GRXCR1: variants seen among roughly 807,000 people sequenced by gnomAD.
The protein encoded by GRXCR1 is glutaredoxin domain-containing cysteine-rich protein 1.
GRXCR1 carries 27 observed loss-of-function variants against 27.3 expected under a neutral mutation model. The observed-to-expected ratio is 0.99, with a 90% confidence interval of 0.73 to 1.37. GRXCR1 has a LOEUF of 1.37. GRXCR1 is among the 40% of genes most tolerant of loss of function. The pLI, the probability that GRXCR1 is intolerant of heterozygous loss-of-function variation, is 0.00. For synonymous variants in GRXCR1, 122 were observed against 131.1 expected, an observed-to-expected ratio of 0.93 and a Z score of 0.47; for missense variants, 379 against 354.4, an observed-to-expected ratio of 1.07 and a Z score of -0.56.
At chr4:42,964,274 A>T (rs1436842092) in intron 2 of GRXCR1, among the ~76,000 whole-genome samples, 1 of 152,054 alleles carries the variant, frequency 6.6e-6, no homozygotes, top group Non-Finnish European at 1.5e-5. Flanking sequence ...ACTCTACTGC[A>T]CTCACAGCTT....
intron 1 of GRXCR1, among the ~76,000 whole-genome samples, chr4:42,942,809 G>A (rs1442210686): frequency 6.6e-6 from 1 of 152,018 alleles, no homozygotes; most frequent in African/African-American, 2.4e-5. Context: ...TCCTTATACT[G>A]TTTTATTTCA....
chr4:42,931,616 A>G (rs1414116264), intron 1 of GRXCR1, among the ~76,000 whole-genome samples: 1 of 151,754 alleles, frequency 6.6e-6, no homozygotes, highest in Non-Finnish European at 1.5e-5. Context: ...GCAAAAAATT[A>G]TATATATTTA....
At chr4:42,920,750 T>G (rs1746990227) in intron 1 of GRXCR1, among the ~76,000 whole-genome samples, 1 of 152,136 alleles carries the variant, frequency 6.6e-6, no homozygotes, top group South Asian at 2.1e-4. Flanking sequence ...GAATATCAAA[T>G]ATGTACATTT....
At chr4:42,904,078 C>T (rs534376804) in intron 1 of GRXCR1, among the ~76,000 whole-genome samples, 1 of 152,268 alleles carries the variant, frequency 6.6e-6, no homozygotes, top group South Asian at 2.1e-4. Context: ...TACTAGACAT[C>T]ATTCAGGATT....
chr4:42,903,341 G>C (rs1216184194), intron 1 of GRXCR1, among the ~76,000 whole-genome samples: 1 of 120,638 alleles, frequency 8.3e-6, no homozygotes, highest in East Asian at 3.1e-4. Context: ...TTTTTTAGAC[G>C]GAGTCTCTCA....
At chr4:42,906,266 T>C (rs1047524163) in intron 1 of GRXCR1, among the ~76,000 whole-genome samples, 4 of 152,194 alleles carry the variant, frequency 2.6e-5, no homozygotes, top group African/African-American at 9.6e-5. Context: ...TCATCTATTC[T>C]CTGTATAGTA....
intron 2 of GRXCR1, among the ~76,000 whole-genome samples, chr4:42,987,247 T>G (rs1187624193): frequency 2.4e-5 from 2 of 82,388 alleles, no homozygotes; most frequent in Non-Finnish European, 4.7e-5. Context: ...ATATAATATA[T>G]AATATATATA....
intron 1 of GRXCR1, among the ~76,000 whole-genome samples, chr4:42,894,013 C>T (rs1746294209): frequency 6.6e-6 from 1 of 152,054 alleles, no homozygotes; most frequent in Admixed American, 6.6e-5. Flanking sequence ...CCTTGAAATA[C>T]CAGTGTAGCA....
At chr4:42,894,260 T>A (rs1351350010) in intron 1 of GRXCR1, among the ~76,000 whole-genome samples, 1 of 152,102 alleles carries the variant, frequency 6.6e-6, no homozygotes, top group South Asian at 2.1e-4. Context: ...AGATCTAGAT[T>A]TTGTATAATA....
Position 42,893,329 on chromosome 4 carries a change from G to T in GRXCR1, c.63G>T (p.Ala21=). 1 of 1,613,784 alleles carries T rather than the reference G, an allele frequency of 6.2e-7. No homozygotes were observed. Among genetic ancestry groups the T allele is most frequent in the Non-Finnish European group, 8.5e-7 (1 of 1,179,790 alleles). Residue 21 remains alanine, a synonymous_variant, in exon 1 of 4, where the codon GCG becomes GCT. Coordinates refer to ENST00000399770, the MANE Select transcript of GRXCR1 (RefSeq NM_001080476.3). ...DRPRKVRFRI[A]SSHSGRVLKE... ...CACGGAAAGTCCGGTTTCGGATCGC[G>T]TCCTCTCACAGTGGGCGAGTTCTGA... is the stretch of plus-strand genomic sequence containing the variant.
rs114064477 is a variant in GRXCR1, at chr4:42,936,677, T to A, written c.385-26215T>A. Among the ~76,000 whole-genome samples, 633 of 151,968 alleles carry A rather than the reference T, an allele frequency of 4.2e-3. 2 individuals carry two copies. The highest frequency in any genetic ancestry group is 7.0e-3 in the Non-Finnish European group (477 of 67,846). On this transcript the variant is annotated intron_variant, in intron 1 of 3. Transcript: ENST00000399770. ...GTTCCTGGATCTCATCTAGGTTAGA[T>A]ATTTCATTCATTTTCTCAGGCTTTT... is the stretch of plus-strand genomic sequence containing the variant.
intron 2 of GRXCR1, among the ~76,000 whole-genome samples, chr4:42,981,809 G>C (rs1445996143): frequency 6.6e-6 from 1 of 152,118 alleles, no homozygotes; most frequent in Admixed American, 6.6e-5. Flanking sequence ...AGCCATGTTG[G>C]AACTTCTGTA....
At chr4:42,950,152 C>T (rs1273757705) in intron 1 of GRXCR1, among the ~76,000 whole-genome samples, 4 of 151,912 alleles carry the variant, frequency 2.6e-5, no homozygotes, top group Non-Finnish European at 4.4e-5. Context: ...GGCACCTTTC[C>T]CTTTAAGAGA....
chr4:43,011,236 G>C (rs1712740293), intron 2 of GRXCR1, among the ~76,000 whole-genome samples: 1 of 152,166 alleles, frequency 6.6e-6, no homozygotes, highest in African/African-American at 2.4e-5. Context: ...TCCCTTCCAG[G>C]TCCGTTTTCT....
intron 1 of GRXCR1, among the ~76,000 whole-genome samples, chr4:42,904,295 T>C (rs938613805): frequency 6.6e-6 from 1 of 152,178 alleles, no homozygotes; most frequent in Non-Finnish European, 1.5e-5. Context: ...ACTACTTACC[T>C]TCATTGCCTT....
chr4:42,971,114 C>T (rs970365789), intron 2 of GRXCR1, among the ~76,000 whole-genome samples: 2 of 152,120 alleles, frequency 1.3e-5, no homozygotes, highest in East Asian at 3.9e-4. Context: ...GTGACCTTTA[C>T]TCCAGTTCCC....
intron 1 of GRXCR1, among the ~76,000 whole-genome samples, chr4:42,905,848 A>C (rs1746576447): frequency 6.6e-6 from 1 of 152,162 alleles, no homozygotes; most frequent in African/African-American, 2.4e-5. Flanking sequence ...ATTGCCTCCT[A>C]GGTAGAAGAT....
In GRXCR1 at chr4:42,893,296, T is replaced by C. The variant is rs1284722318; in HGVS notation, c.30T>C (p.Ser10=). MLKREMKPE[S]DRPRKVRFRI... ...TTAAAAGGGAGATGAAGCCAGAAAG[T>C]GACAGGCCACGGAAAGTCCGGTTTC... Residue 10 remains serine (S), a synonymous_variant, in exon 1 of 4, where the codon AGT becomes AGC. Transcript: ENST00000399770. The C allele has an allele frequency of 5.0e-6, 8 of 1,613,474 alleles. No homozygotes were observed. Among genetic ancestry groups the C allele is most frequent in the Non-Finnish European group, 5.9e-6 (7 of 1,179,728 alleles).
chr4:42,987,229 T>TATTATATATA (rs1362997341), intron 2 of GRXCR1, among the ~76,000 whole-genome samples: 1 of 92,236 alleles, frequency 1.1e-5, no homozygotes, highest in Non-Finnish European at 2.2e-5. Context: ...ATATTATATA[T>TATTATATATA]TATATATATA....
Sources: gnomAD v4.1 joint callset for allele counts (sites outside exome capture counted in the v4.1 genomes callset) on GRCh38, gnomAD v4.1.1 for gene constraint, MANE v1.5 for transcripts, NCBI Gene and HGNC (gene_info 2026-07-23, HGNC 2026-07-21) for gene names.